Variants in KDM3A observed in about 807,000 individuals in gnomAD.
The protein encoded by KDM3A is lysine-specific demethylase 3A.
In KDM3A, 60 loss-of-function variants were observed where a neutral mutation model predicts 158.0. The observed-to-expected ratio is 0.38, with a 90% confidence interval of 0.31 to 0.47. KDM3A has a LOEUF of 0.47. Ranked by LOEUF, KDM3A falls within the 20% of genes least tolerant of loss-of-function variation. The pLI, the probability that KDM3A is intolerant of heterozygous loss-of-function variation, is 0.99. For synonymous variants in KDM3A, 608 were observed against 549.3 expected (o/e 1.11, Z -1.49); for missense variants, 1,319 against 1,574.3 (o/e 0.84, Z 2.74).
Position 86,478,216 on chromosome 2 carries a change from G to A in KDM3A, c.2139G>A (p.Gln713=). 1 of 1,614,084 alleles carries A rather than the reference G, an allele frequency of 6.2e-7. No homozygotes were observed. The highest frequency in any genetic ancestry group is 8.5e-7 in the Non-Finnish European group (1 of 1,179,914). ...TFSWLKCVKS[Q]IHEPENLMPT... is the part of the protein sequence containing the mutation. ...CTTGGCTAAAATGTGTGAAGAGTCA[G>A]ATACATGAACCAGAGAACTTAATGC... The change falls in exon 14 of 26, where the codon CAG becomes CAA. Residue 713 remains glutamine (Q), a synonymous_variant. Coordinates refer to ENST00000312912, the MANE Select transcript of KDM3A (RefSeq NM_018433.6).
chr2:86,491,089 T>C (rs1246676218), intron 24 of KDM3A, 32 bp downstream of exon 24: 1 of 1,613,300 alleles, frequency 6.2e-7, no homozygotes, highest in East Asian at 2.2e-5. Context: ...TTAATCTCTT[T>C]ATGTCATGAA....
intron 21 of KDM3A, 46 bp downstream of exon 21, chr2:86,485,905 A>G: frequency 2.5e-6 from 4 of 1,583,676 alleles, no homozygotes; most frequent in Non-Finnish European, 3.5e-6. Flanking sequence ...AAACAATTCA[A>G]AATGTTTGGA....
chr2:86,441,234 C>G (rs902967886), upstream of KDM3A: 2 of 152,304 alleles, frequency 1.3e-5, no homozygotes, highest in Non-Finnish European at 2.9e-5. Context: ...CCCGCCCTCG[C>G]CCGGGGGGCC....
intron 11 of KDM3A, among the ~76,000 whole-genome samples, chr2:86,474,531 C>G (rs1051653565): frequency 6.6e-6 from 1 of 151,864 alleles, no homozygotes; most frequent in Admixed American, 6.6e-5. Context: ...GGAGTGGTGG[C>G]AGGCGCCTGT....
Position 86,492,174 on chromosome 2 carries a change from G to T in KDM3A, c.*55G>T, listed in dbSNP as rs754981924. The T allele has an allele frequency of 7.7e-6, 10 of 1,296,300 alleles. No individual in the cohort carries two copies. The highest frequency in any genetic ancestry group is 2.9e-5 in the African/African-American group (2 of 68,524). The allele number at this position is 1,296,300 out of a possible 1,614,324, so 80.3% of individuals were successfully genotyped here. A position where few individuals can be genotyped will look rare whatever the true frequency, so the allele number is the denominator to read the frequency against. On this transcript the variant is annotated 3_prime_UTR_variant, in exon 26 of 26. Coordinates refer to ENST00000312912, the MANE Select transcript of KDM3A (RefSeq NM_018433.6). ...GCAGCTGTTCAAACTCTTCAGGCAG[G>T]ATTCCTGTGGACTTTGAGATTCATG...
At chr2:86,488,931 TTATG>T (rs1674320368) in intron 21 of KDM3A, 2 of 187,936 alleles carry the variant, frequency 1.1e-5, no homozygotes, top group African/African-American at 2.4e-5. Flanking sequence ...CGTTCCAGGT[TTATG>T]TGTGTGTGTG....
chr2:86,474,663 CAAAAA>C, intron 11 of KDM3A, 108 bp from the exon 12 acceptor site: 5 of 424,418 alleles, frequency 1.2e-5, no homozygotes, highest in Non-Finnish European at 1.9e-5. Flanking sequence ...GACTCCATCC[CAAAAA>C]AAAAAAAAAA....
chr2:86,471,851 C>G (rs1287437061), intron 11 of KDM3A, among the ~76,000 whole-genome samples: 1 of 152,144 alleles, frequency 6.6e-6, no homozygotes, highest in Non-Finnish European at 1.5e-5. Flanking sequence ...TTAATATATT[C>G]TGAATAACGC....
At chr2:86,481,511 A>T (rs570955133) in intron 16 of KDM3A, among the ~76,000 whole-genome samples, 13 of 147,390 alleles carry the variant, frequency 8.8e-5, no homozygotes, top group South Asian at 6.4e-4. Flanking sequence ...TTTTTTTTTT[A>T]AACAGTTTCT....
intron 10 of KDM3A, among the ~76,000 whole-genome samples, chr2:86,467,838 TAGTG>T (rs1291485983): frequency 1.3e-5 from 2 of 151,674 alleles, no homozygotes; most frequent in Non-Finnish European, 2.9e-5. Flanking sequence ...CTGGGCAACA[TAGTG>T]AGACCCCATC....
At chr2:86,484,845 TTATTTG>T (rs1483185844) in intron 19 of KDM3A, 91 bp from the exon 20 acceptor site, 1 of 649,032 alleles carries the variant, frequency 1.5e-6, no homozygotes, top group African/African-American at 1.8e-5. Flanking sequence ...GAGACATATT[TTATTTG>T]TATTGTTGAG....
At chr2:86,449,034 A>G (rs1307810405) in intron 2 of KDM3A, among the ~76,000 whole-genome samples, 1 of 152,154 alleles carries the variant, frequency 6.6e-6, no homozygotes, top group Non-Finnish European at 1.5e-5. Context: ...GAATTTTCTT[A>G]ATGTCTTTAA....
intron 4 of KDM3A, 31 bp downstream of exon 4, chr2:86,451,244 A>G (rs1199997040): frequency 7.2e-7 from 1 of 1,388,364 alleles, no homozygotes; most frequent in South Asian, 1.3e-5. Flanking sequence ...TAAACATTAG[A>G]AACAGAAATA....
chr2:86,482,246 G>A lies in KDM3A; in HGVS notation c.2685+144G>A. On this transcript the variant is annotated intron_variant, in intron 17 of 25. Transcript: ENST00000312912. ...TCAGAAGGCTGAGTCACTGGAGGAT[G>A]GGTTTTATGGGACTATAGTTCTGAG... is the stretch of plus-strand genomic sequence containing the variant. 6.1e-6 allele frequency: 7 copies of A among 1,148,212 alleles called. No individual in the cohort carries two copies. In the South Asian group the frequency reaches 8.6e-5, roughly 14 times the overall value. 71.1% of individuals were successfully genotyped at this position (1,148,212 alleles called of 1,614,324 possible). A position where few individuals can be genotyped will look rare whatever the true frequency, so the allele number is the denominator to read the frequency against.
At chr2:86,476,776 G>GCTT (rs1673675903) in intron 12 of KDM3A, among the ~76,000 whole-genome samples, 1 of 152,222 alleles carries the variant, frequency 6.6e-6, no homozygotes, top group African/African-American at 2.4e-5. Flanking sequence ...TAATGTAATG[G>GCTT]CAGAAGTTCA....
In KDM3A at chr2:86,470,256, A is replaced by G. The variant is rs770837099; in HGVS notation, c.1572A>G (p.Gln524=). Residue 524 remains glutamine (Q), a synonymous_variant, in exon 11 of 26, where the codon CAA becomes CAG. Transcript: ENST00000312912. The part of the protein sequence containing the change: ...LTDPAKLKKL[Q]QSGEAFVQDD... ...ACCCAGCTAAACTCAAAAAGCTGCA[A>G]CAGAGTGGCGAGGCCTTCGTACAGG... 5 of 1,614,156 alleles carry G rather than the reference A, an allele frequency of 3.1e-6. No homozygotes were observed. In the Admixed American group the frequency reaches 5.0e-5, roughly 16 times the overall value.
chr2:86,488,026 C>T (rs1373929142), intron 21 of KDM3A: 2 of 152,182 alleles, frequency 1.3e-5, no homozygotes, highest in Non-Finnish European at 2.9e-5. Context: ...TAACCACCAT[C>T]TTCAAGTTTG....
chr2:86,477,371 G>A (rs1313645412), intron 12 of KDM3A, among the ~76,000 whole-genome samples: 4 of 152,172 alleles, frequency 2.6e-5, no homozygotes, highest in Non-Finnish European at 5.9e-5. Context: ...AGTTTTTAAT[G>A]GGCAGTCTGA....
At chr2:86,486,442 C>T (rs1035037951) in intron 21 of KDM3A, among the ~76,000 whole-genome samples, 15 of 152,136 alleles carry the variant, frequency 9.9e-5, no homozygotes, top group African/African-American at 3.1e-4. Flanking sequence ...CTGAGATCTT[C>T]GTCAGTTTTA....
Sources: gnomAD v4.1 joint callset for allele counts (sites outside exome capture counted in the v4.1 genomes callset) on GRCh38, gnomAD v4.1.1 for gene constraint, MANE v1.5 for transcripts, NCBI Gene and HGNC (gene_info 2026-07-23, HGNC 2026-07-21) for gene names.